DNAH14: variants seen among roughly 807,000 people sequenced by gnomAD.
The protein encoded by DNAH14 is axonemal beta dynein heavy chain 14.
Under a neutral mutation model 520.9 loss-of-function variants are expected in DNAH14, and 478 were observed. The ratio of observed to expected loss-of-function variants is 0.92; its 90% CI spans 0.85 to 0.99. The LOEUF (loss-of-function observed/expected upper bound fraction) is 0.99. Among genes scored for constraint, DNAH14 ranks in the 50% least tolerant of loss-of-function variants. The pLI, the probability that DNAH14 is intolerant of heterozygous loss-of-function variation, is 0.00. For missense variants in DNAH14, 4,831 were observed against 5,234.5 expected (o/e 0.92, Z 2.38); for synonymous variants, 1,581 against 1,757.2 (o/e 0.90, Z 2.51).
chr1:225,162,946 G>A (rs984997930), intron 35 of DNAH14, among the ~76,000 whole-genome samples: 1 of 151,934 alleles, frequency 6.6e-6, no homozygotes, highest in Middle Eastern at 3.2e-3. Context: ...AGACAAGCCT[G>A]GTCAACATGG....
intron 9 of DNAH14, among the ~76,000 whole-genome samples, chr1:225,005,842 G>A (rs2064126937): frequency 6.6e-6 from 1 of 152,072 alleles, no homozygotes; most frequent in South Asian, 2.1e-4. Flanking sequence ...TTATGATTTT[G>A]TATTACCAGA....
At chr1:225,170,799 A>G (rs1017501336) in intron 36 of DNAH14, among the ~76,000 whole-genome samples, 2 of 152,204 alleles carry the variant, frequency 1.3e-5, no homozygotes, top group Non-Finnish European at 2.9e-5. Flanking sequence ...CCTCCACCCC[A>G]AATCAACAGA....
chr1:225,335,022 A>C (rs1458179555), intron 66 of DNAH14, among the ~76,000 whole-genome samples: 1 of 149,232 alleles, frequency 6.7e-6, no homozygotes, highest in Non-Finnish European at 1.5e-5. Flanking sequence ...TTATATGTAT[A>C]TATACATACA....
intron 73 of DNAH14, among the ~76,000 whole-genome samples, chr1:225,355,111 A>G (rs79978084): frequency 3.9e-4 from 59 of 152,260 alleles, no homozygotes; most frequent in African/African-American, 1.1e-3. Context: ...TAGATTGGGT[A>G]ATTTATAAAC....
In DNAH14 at chr1:225,206,207, C is replaced by T. The variant is rs748181962; in HGVS notation, c.6186+28C>T. 17 of 1,508,360 alleles carry T rather than the reference C, an allele frequency of 1.1e-5. No individual in the cohort carries two copies. In the African/African-American group the frequency reaches 2.2e-4, roughly 20 times the overall value. The allele number at this position is 1,508,360 out of a possible 1,614,324, so 93.4% of individuals were successfully genotyped here. A position where few individuals can be genotyped will look rare whatever the true frequency, so the allele number is the denominator to read the frequency against. On this transcript the variant is annotated intron_variant, in intron 40 of 85. Coordinates refer to ENST00000682510, the MANE Select transcript of DNAH14 (RefSeq NM_001367479.1). ...AAGCTTTCAAAAACAAATGTTTTAA[C>T]AAAGCAAAAATGTTGTTTATGATAG...
intron 54 of DNAH14, among the ~76,000 whole-genome samples, chr1:225,281,276 T>C (rs1032568799): frequency 5.9e-5 from 9 of 152,192 alleles, no homozygotes; most frequent in Admixed American, 4.6e-4. Flanking sequence ...CCTTGGCTCA[T>C]AACTGCCTTT....
At chr1:225,357,728 A>C in intron 73 of DNAH14, 1 of 692,720 alleles carries the variant, frequency 1.4e-6, no homozygotes, top group Admixed American at 2.1e-5. Context: ...GAAAGGTAAA[A>C]ATGGCAACTT....
chr1:225,051,429 A>G, intron 16 of DNAH14, 22 bp from the exon 17 acceptor site: 1 of 1,424,394 alleles, frequency 7.0e-7, no homozygotes, highest in Non-Finnish European at 9.2e-7. Context: ...TCTGACTAAC[A>G]TCTCAACATT....
intron 60 of DNAH14, among the ~76,000 whole-genome samples, chr1:225,316,215 G>C (rs1394048373): frequency 6.6e-6 from 1 of 152,168 alleles, no homozygotes; most frequent in African/African-American, 2.4e-5. Flanking sequence ...CCAAGCTCAG[G>C]AGTCCCAGGT....
chr1:225,085,516 A>T (rs766445711), intron 20 of DNAH14, 28 bp from the exon 21 acceptor site: 2 of 1,516,462 alleles, frequency 1.3e-6, no homozygotes, highest in South Asian at 2.5e-5. Flanking sequence ...GCTATACTGG[A>T]TACTAAAGAA....
At chr1:224,941,687 C>T (rs1312661735) in intron 1 of DNAH14, among the ~76,000 whole-genome samples, 1 of 151,926 alleles carries the variant, frequency 6.6e-6, no homozygotes, top group Non-Finnish European at 1.5e-5. Context: ...ATTTTTATAC[C>T]AGGTGTAAGG....
chr1:225,113,875 T>C (rs931283186), intron 23 of DNAH14, among the ~76,000 whole-genome samples: 23 of 152,032 alleles, frequency 1.5e-4, no homozygotes, highest in African/African-American at 5.6e-4. Flanking sequence ...CCCTTGAGGG[T>C]AATGGACTCC....
chr1:224,972,933 T>C (rs755510798), intron 7 of DNAH14, among the ~76,000 whole-genome samples: 1 of 152,196 alleles, frequency 6.6e-6, no homozygotes, highest in Non-Finnish European at 1.5e-5. Context: ...ATGAAACTTT[T>C]CTGGTATATT....
intron 8 of DNAH14, among the ~76,000 whole-genome samples, chr1:224,987,838 G>A (rs1282303527): frequency 2.6e-5 from 4 of 152,056 alleles, no homozygotes; most frequent in Non-Finnish European, 5.9e-5. Context: ...ATGTTGGCCA[G>A]GCTGGTCTCG....
intron 54 of DNAH14, among the ~76,000 whole-genome samples, chr1:225,278,974 G>GT (rs997746720): frequency 1.3e-5 from 2 of 151,824 alleles, no homozygotes; most frequent in African/African-American, 2.4e-5. Context: ...TACTGTTGGG[G>GT]TTTTTTTGTT....
At chr1:225,202,418 C>T (rs917225242) in intron 38 of DNAH14, among the ~76,000 whole-genome samples, 3 of 152,036 alleles carry the variant, frequency 2.0e-5, no homozygotes, top group Non-Finnish European at 2.9e-5. Flanking sequence ...AGTTATGTTC[C>T]TAGGAGGATT....
Position 225,346,192 on chromosome 1 carries a change from G to A in DNAH14, c.10909G>A (p.Val3637Ile), listed in dbSNP as rs1232636018. The A allele has an allele frequency of 5.2e-6, 8 of 1,551,400 alleles. No individual in the cohort carries two copies. The Admixed American group carries it at 7.9e-5, about 15-fold the overall frequency. Reference sequence around the variant, plus strand: ...GTTCTCCCTAGACTGGTTTCATCAGGTTTTTGTTTCATCAGTAGTTTCCAA... The same window carrying A: ...GTTCTCCCTAGACTGGTTTCATCAGATTTTTGTTTCATCAGTAGTTTCCAA... Reference protein sequence around the residue: ...YQFSLDWFHQVFVSSVVSKSK... With the variant: ...YQFSLDWFHQIFVSSVVSKSK... Residue 3637 changes from valine to isoleucine, a missense_variant, in exon 70 of 86, where the codon GTT becomes ATT. Physicochemically the swap from Val to Ile is conservative, Grantham distance 29 (BLOSUM62 3). Transcript: ENST00000682510.
chr1:225,189,600 G>A (rs904929944), intron 37 of DNAH14, among the ~76,000 whole-genome samples: 1 of 151,498 alleles, frequency 6.6e-6, no homozygotes, highest in Non-Finnish European at 1.5e-5. Context: ...GGTAATTTGT[G>A]TGTTTTTAGG....
intron 58 of DNAH14, among the ~76,000 whole-genome samples, chr1:225,307,205 A>G (rs931362118): frequency 7.2e-5 from 11 of 152,080 alleles, no homozygotes; most frequent in African/African-American, 2.4e-4. Flanking sequence ...TTTCCCCTCT[A>G]TTCCTAGTTA....
Sources: allele counts gnomAD v4.1 joint callset (sites outside exome capture counted in the v4.1 genomes callset), GRCh38; gene constraint gnomAD v4.1.1; transcripts MANE v1.5; gene names NCBI Gene and HGNC (gene_info 2026-07-23, HGNC 2026-07-21).